The following MAGI1 variants were observed in gnomAD, a reference collection of about 807,000 sequenced individuals.
MAGI1 encodes the protein membrane associated guanylate kinase, WW and PDZ domain containing 1, also known as membrane-associated guanylate kinase, WW and PDZ domain-containing protein 1.
Under a neutral mutation model 139.9 loss-of-function variants are expected in MAGI1, and 58 were observed. The observed-to-expected ratio is 0.41, with a 90% confidence interval of 0.34 to 0.52. The LOEUF is 0.52. Ranked by LOEUF, MAGI1 falls within the 20% of genes least tolerant of loss-of-function variation. The probability of loss-of-function intolerance (pLI) is 0.12; values close to 1 mark genes in which losing one functional copy is unlikely to be tolerated. For missense variants in MAGI1, 1,874 were observed against 1,901.6 expected (o/e 0.99, Z 0.27); for synonymous variants, 812 against 737.9 (o/e 1.10, Z -1.63).
At chr3:65,405,883 A>G (rs1945298446) in intron 12 of MAGI1, among the ~76,000 whole-genome samples, 1 of 135,896 alleles carries the variant, frequency 7.4e-6, no homozygotes, top group African/African-American at 2.6e-5. Flanking sequence ...GCACGTCACC[A>G]CGCCTGGCTA....
chr3:65,695,431 C>G (rs981326803), intron 1 of MAGI1, among the ~76,000 whole-genome samples: 6 of 152,174 alleles, frequency 3.9e-5, no homozygotes, highest in Non-Finnish European at 7.4e-5. Context: ...ATATCCTCCG[C>G]TTCAGTCCTC....
intron 2 of MAGI1, among the ~76,000 whole-genome samples, chr3:65,617,455 A>G (rs2083437368): frequency 1.3e-5 from 2 of 152,184 alleles, no homozygotes; most frequent in African/African-American, 4.8e-5. Flanking sequence ...CGGCCATTCC[A>G]AAGCAAGAAT....
At chr3:65,637,709 G>A (rs906421067) in intron 1 of MAGI1, among the ~76,000 whole-genome samples, 1 of 152,192 alleles carries the variant, frequency 6.6e-6, no homozygotes, top group Non-Finnish European at 1.5e-5. Flanking sequence ...TTCTAGCACA[G>A]GGCTGTTGTG....
At chr3:65,751,200 TC>T (rs2036120530) in intron 1 of MAGI1, among the ~76,000 whole-genome samples, 1 of 152,172 alleles carries the variant, frequency 6.6e-6, no homozygotes. Flanking sequence ...AAGGTATCGA[TC>T]CCATTTCTGC....
intron 1 of MAGI1, among the ~76,000 whole-genome samples, chr3:65,692,117 A>T: frequency 6.6e-6 from 1 of 152,244 alleles, no homozygotes; most frequent in Admixed American, 6.5e-5. Context: ...TTTTTAAAAA[A>T]AAAATGTGAT....
chr3:65,421,131 G>T (rs1426511879), intron 12 of MAGI1, among the ~76,000 whole-genome samples: 2 of 152,170 alleles, frequency 1.3e-5, no homozygotes, highest in Admixed American at 6.5e-5. Context: ...CTCATCTCTT[G>T]CTGTAAGTCA....
intron 5 of MAGI1, among the ~76,000 whole-genome samples, 154 bp from the exon 6 acceptor site, chr3:65,453,494 T>A (rs947459987): frequency 6.6e-6 from 1 of 151,836 alleles, no homozygotes; most frequent in African/African-American, 2.4e-5. Context: ...AGAGCCTGAG[T>A]TTACAATTAT....
At chr3:65,842,704 A>G (rs1163943549) in intron 1 of MAGI1, among the ~76,000 whole-genome samples, 2 of 152,148 alleles carry the variant, frequency 1.3e-5, no homozygotes, top group African/African-American at 4.8e-5. Flanking sequence ...GGCTGAAACA[A>G]ATATTTGGAC....
At chr3:65,383,053 C>A (rs934136125) in intron 15 of MAGI1, among the ~76,000 whole-genome samples, 1 of 152,126 alleles carries the variant, frequency 6.6e-6, no homozygotes, top group Non-Finnish European at 1.5e-5. Context: ...TGTTTCTTGA[C>A]CCTTACTCAG....
intron 1 of MAGI1, among the ~76,000 whole-genome samples, chr3:65,794,067 C>T (rs1577142368): frequency 6.6e-6 from 1 of 152,168 alleles, no homozygotes; most frequent in Admixed American, 6.6e-5. Flanking sequence ...ATACAGAACA[C>T]GACTCGACCT....
At chr3:66,023,518 G>A (rs751529508) in intron 1 of MAGI1, among the ~76,000 whole-genome samples, 1 of 152,144 alleles carries the variant, frequency 6.6e-6, no homozygotes, top group African/African-American at 2.4e-5. Flanking sequence ...AAAGCAAGAA[G>A]GGCTACACTG....
chr3:65,727,880 T>C (rs2033783502), intron 1 of MAGI1, among the ~76,000 whole-genome samples: 1 of 152,176 alleles, frequency 6.6e-6, no homozygotes, highest in South Asian at 2.1e-4. Flanking sequence ...AAAATTATGT[T>C]ATACTTTTAA....
chr3:65,485,062 G>A (rs1442736200), intron 3 of MAGI1, among the ~76,000 whole-genome samples: 1 of 152,182 alleles, frequency 6.6e-6, no homozygotes, highest in Non-Finnish European at 1.5e-5. Context: ...GGCAGATAGT[G>A]CACATGAATT....
In MAGI1 at chr3:65,571,161, C is replaced by A. The variant is rs1276825859; in HGVS notation, c.430+50811G>T. 3.3e-5 allele frequency among the ~76,000 whole-genome samples: 5 copies of A among 152,098 alleles called. No individual in the cohort carries two copies. The East Asian group carries it at 9.6e-4, about 29-fold the overall frequency. Reference sequence around the variant, plus strand: ...AAATGAAAAACCCAAATGCACCTGCCTGCATTAGGGATTAACGGCTTGGAA... The same window carrying A: ...AAATGAAAAACCCAAATGCACCTGCATGCATTAGGGATTAACGGCTTGGAA... On this transcript the variant is annotated intron_variant, in intron 2 of 22. Transcript: ENST00000402939.
intron 14 of MAGI1, chr3:65,387,084 G>C: frequency 6.8e-7 from 1 of 1,465,062 alleles, no homozygotes; most frequent in East Asian, 2.3e-5. Context: ...CCAGACCAAT[G>C]AGAACATCAA....
intron 1 of MAGI1, among the ~76,000 whole-genome samples, chr3:65,932,362 A>G (rs1394424645): frequency 2.6e-5 from 4 of 152,200 alleles, no homozygotes; most frequent in Non-Finnish European, 1.5e-5. Context: ...ACTCAGTTTC[A>G]CGAAACAAAA....
intron 2 of MAGI1, among the ~76,000 whole-genome samples, chr3:65,565,099 C>G (rs1449123079): frequency 6.6e-6 from 1 of 152,264 alleles, no homozygotes; most frequent in Non-Finnish European, 1.5e-5. Flanking sequence ...AGCATACACA[C>G]GGGTGCACAC....
chr3:65,625,150 G>C (rs1453240011), intron 1 of MAGI1, among the ~76,000 whole-genome samples: 2 of 152,148 alleles, frequency 1.3e-5, no homozygotes, highest in Non-Finnish European at 2.9e-5. Context: ...TGGGATTACA[G>C]GTGTGAGCCA....
chr3:65,514,752 G>A (rs1055522054), intron 2 of MAGI1, among the ~76,000 whole-genome samples: 6 of 122,726 alleles, frequency 4.9e-5, no homozygotes, highest in Non-Finnish European at 7.2e-5. Context: ...TCAGTGTGGC[G>A]ATTCCTCAGG....
Sources: gnomAD v4.1 joint callset for allele counts (sites outside exome capture counted in the v4.1 genomes callset) on GRCh38, gnomAD v4.1.1 for gene constraint, MANE v1.5 for transcripts, NCBI Gene and HGNC (gene_info 2026-07-23, HGNC 2026-07-21) for gene names.